Variants in SACM1L observed in about 807,000 individuals in gnomAD.
The protein encoded by SACM1L is phosphatidylinositol-3-phosphatase SAC1.
A neutral mutation model predicts 89.5 loss-of-function variants in SACM1L; 32 were observed. The ratio of observed to expected loss-of-function variants is 0.36; its 90% confidence interval spans 0.27 to 0.48. The LOEUF (loss-of-function observed/expected upper bound fraction) is 0.48, where lower values mean the gene tolerates loss of function less well. SACM1L is among the 20% of genes least tolerant of loss of function. SACM1L has a pLI of 0.99. For synonymous variants in SACM1L, 213 were observed against 232.8 expected (o/e 0.92, Z 0.77); for missense variants, 543 against 708.5 (o/e 0.77, Z 2.65).
intron 7 of SACM1L, among the ~76,000 whole-genome samples, chr3:45,717,200 T>C (rs1363451439): frequency 6.6e-6 from 1 of 152,206 alleles, no homozygotes; most frequent in Non-Finnish European, 1.5e-5. Flanking sequence ...TGTCATTAGG[T>C]ACCATTTTGA....
intron 13 of SACM1L, among the ~76,000 whole-genome samples, chr3:45,734,429 GAAAA>G (rs910890657): frequency 3.3e-5 from 5 of 151,224 alleles, no homozygotes; most frequent in Admixed American, 2.6e-4. Flanking sequence ...AAAAGAAAAA[GAAAA>G]AAAATATTTT....
In SACM1L at chr3:45,735,994, A is replaced by G. The variant is rs147982959; in HGVS notation, c.1239+621A>G. Among the ~76,000 whole-genome samples, 396 of 152,076 alleles carry G rather than the reference A, an allele frequency of 2.6e-3. 6 individuals are homozygous for G. Among genetic ancestry groups the G allele is most frequent in the African/African-American group, 9.1e-3 (376 of 41,482 alleles). On this transcript the variant is annotated intron_variant, in intron 14 of 19. Coordinates refer to ENST00000389061, the MANE Select transcript of SACM1L (RefSeq NM_014016.5). ...CCATCCTACTAACTCAGCCTCCCAC[A>G]AAGCTGGGGCTACAGGCATGTGCCA...
Position 45,739,567 on chromosome 3 carries a change from C to T in SACM1L, c.1570-20C>T, listed in dbSNP as rs758006271. On this transcript the variant is annotated intron_variant, in intron 18 of 19. Coordinates refer to ENST00000389061, the MANE Select transcript of SACM1L (RefSeq NM_014016.5). ...GATTAGCATTCTTAAATGATGATCT[C>T]TTTCTATTGTCTTTTCCAGTTGCCT... 1 of 1,612,358 alleles carries T rather than the reference C, an allele frequency of 6.2e-7. No homozygotes were observed. The highest frequency in any genetic ancestry group is 1.1e-5 in the South Asian group (1 of 91,060).
chr3:45,719,447 A>G, intron 7 of SACM1L, 53 bp from the exon 8 acceptor site: 1 of 1,047,226 alleles, frequency 9.5e-7, no homozygotes, highest in African/African-American at 1.6e-5. Flanking sequence ...AACAATCTAG[A>G]AACAATGCTT....
chr3:45,693,273 C>T (rs538697747), intron 1 of SACM1L, among the ~76,000 whole-genome samples: 9 of 152,322 alleles, frequency 5.9e-5, no homozygotes, highest in African/African-American at 1.9e-4. Context: ...TTTGTTTCTC[C>T]AACCAGTTTA....
chr3:45,705,496 ATTTT>A (rs36040487), intron 3 of SACM1L, among the ~76,000 whole-genome samples: 1 of 103,208 alleles, frequency 9.7e-6, no homozygotes, highest in Non-Finnish European at 1.9e-5. Flanking sequence ...TGTAAATAAA[ATTTT>A]TTTTTTTTTT....
intron 1 of SACM1L, among the ~76,000 whole-genome samples, chr3:45,694,677 G>A (rs1206236971): frequency 6.6e-6 from 1 of 152,142 alleles, no homozygotes; most frequent in African/African-American, 2.4e-5. Flanking sequence ...AAAATCTCTG[G>A]GGATGAGCGG....
chr3:45,732,781 G>C (rs138081143), intron 13 of SACM1L, among the ~76,000 whole-genome samples: 1 of 152,290 alleles, frequency 6.6e-6, no homozygotes, highest in Non-Finnish European at 1.5e-5. Flanking sequence ...ATGCGTGCCA[G>C]TCTTTACCGA....
At chr3:45,700,497 C>T (rs965613575) in intron 1 of SACM1L, among the ~76,000 whole-genome samples, 9 of 152,126 alleles carry the variant, frequency 5.9e-5, no homozygotes, top group Admixed American at 5.2e-4. Flanking sequence ...TTTGTCAAGA[C>T]ACTAAAGACG....
chr3:45,689,626 T>C, intron 1 of SACM1L, 129 bp downstream of exon 1: 1 of 1,165,094 alleles, frequency 8.6e-7, no homozygotes, highest in East Asian at 2.6e-5. Flanking sequence ...TTACCGGTTT[T>C]CCTCAGCCGG....
At position 45,732,100 on chromosome 3, in the gene SACM1L, A is replaced by G; in HGVS notation, c.1049A>G (p.Asp350Gly). The G allele has an allele frequency of 6.2e-7, 1 of 1,606,098 alleles. No individual in the cohort carries two copies. The highest frequency in any genetic ancestry group is 1.1e-5 in the South Asian group (1 of 89,408). The change falls in exon 13 of 20, where the codon GAT becomes GGT. Residue 350 changes from aspartate to glycine, a missense_variant. Coordinates refer to ENST00000389061, the MANE Select transcript of SACM1L (RefSeq NM_014016.5). Reference protein sequence around the residue: ...FHKECKNMRWDRLSILLDQVA... With the variant: ...FHKECKNMRWGRLSILLDQVA... ...AAGGAATGTAAAAATATGAGATGGGATCGACTAAGTATTTTATTGGATCAG... is the reference window on the plus strand; with the variant it reads ...AAGGAATGTAAAAATATGAGATGGGGTCGACTAAGTATTTTATTGGATCAG...
chr3:45,732,767 C>T (rs906056452), intron 13 of SACM1L, among the ~76,000 whole-genome samples: 1 of 152,178 alleles, frequency 6.6e-6, no homozygotes, highest in Non-Finnish European at 1.5e-5. Context: ...GTTTACCATA[C>T]TCTATGCGTG....
intron 4 of SACM1L, 62 bp downstream of exon 4, chr3:45,706,969 G>A: frequency 6.6e-7 from 1 of 1,508,274 alleles, no homozygotes; most frequent in Non-Finnish European, 9.2e-7. Flanking sequence ...CTGGGGAGAG[G>A]AGGGTGAGGG....
At chr3:45,721,733 A>G (rs368931874) in intron 8 of SACM1L, among the ~76,000 whole-genome samples, 4 of 152,230 alleles carry the variant, frequency 2.6e-5, no homozygotes, top group African/African-American at 9.6e-5. Flanking sequence ...GGAATTTTGT[A>G]TGTAGAAACA....
intron 13 of SACM1L, chr3:45,734,978 T>C: frequency 2.7e-6 from 1 of 373,360 alleles, no homozygotes; most frequent in East Asian, 4.4e-5. Context: ...TACTCTTAAC[T>C]TTACTTTTTC....
chr3:45,703,403 T>C (rs1698317842), intron 1 of SACM1L, 35 bp from the exon 2 acceptor site: 1 of 1,380,572 alleles, frequency 7.2e-7, no homozygotes, highest in African/African-American at 1.4e-5. Flanking sequence ...TTCATTTCAT[T>C]TGGTTAGTTA....
chr3:45,735,210 G>C lies in SACM1L; in HGVS notation c.1101-25G>C, dbSNP rs890413123. The C allele has an allele frequency of 8.8e-6, 14 of 1,590,438 alleles. No individual in the cohort carries two copies. The East Asian group carries it at 2.9e-4, about 33-fold the overall frequency. On this transcript the variant is annotated intron_variant, in intron 13 of 19. Transcript: ENST00000389061. ...GTAAATCTGACCTACTTTGGTATGA[G>C]AGTGTTTATACAAATATGTTTTAGT...
chr3:45,701,364 C>T lies in SACM1L; in HGVS notation c.33-2074C>T, dbSNP rs377336332. Among the ~76,000 whole-genome samples the T allele has an allele frequency of 3.3e-5, 5 of 152,278 alleles. No homozygotes were observed. In the East Asian group the frequency reaches 9.7e-4, roughly 29 times the overall value. On this transcript the variant is annotated intron_variant, in intron 1 of 19. Coordinates refer to ENST00000389061, the MANE Select transcript of SACM1L (RefSeq NM_014016.5). ...GCACTGAAATTCCTGGCTCAGCTTTCCCTGGAATGTATTCATCACCTGCCG... is the reference window on the plus strand; with the variant it reads ...GCACTGAAATTCCTGGCTCAGCTTTTCCTGGAATGTATTCATCACCTGCCG...
intron 1 of SACM1L, chr3:45,690,524 C>A (rs1384391099): frequency 6.6e-6 from 1 of 152,204 alleles, no homozygotes; most frequent in Admixed American, 6.5e-5. Context: ...CACTTAAGCT[C>A]CTCAGACCTC....
Sources: gnomAD v4.1 joint callset for allele counts (sites outside exome capture counted in the v4.1 genomes callset) on GRCh38, gnomAD v4.1.1 for gene constraint, MANE v1.5 for transcripts, NCBI Gene and HGNC (gene_info 2026-07-23, HGNC 2026-07-21) for gene names.